The following RMDN1 variants were observed in gnomAD, a reference collection of about 807,000 sequenced individuals.
The protein encoded by RMDN1 is regulator of microtubule dynamics 1, also known as regulator of microtubule dynamics protein 1.
RMDN1 carries 48 observed loss-of-function variants against 48.9 expected under a neutral mutation model. The observed-to-expected ratio is 0.98, with a 90% CI of 0.78 to 1.25. RMDN1 has a LOEUF of 1.25. Among genes scored for constraint, RMDN1 ranks in the 50% most tolerant of loss-of-function variants. The probability of loss-of-function intolerance (pLI) is 0.00; values close to 1 mark genes in which losing one functional copy is unlikely to be tolerated. For synonymous variants in RMDN1, 148 were observed against 132.6 expected, an observed-to-expected ratio of 1.12 and a Z score of -0.80; for missense variants, 418 against 373.4, an observed-to-expected ratio of 1.12 and a Z score of -0.98.
rs775081858 is a variant in RMDN1 at position 86,507,038 on chromosome 8, G to T, written c.204C>A (p.Tyr68Ter). 14 of 1,613,062 alleles carry T rather than the reference G, an allele frequency of 8.7e-6. No homozygotes were observed. Among genetic ancestry groups the T allele is most frequent in the Non-Finnish European group, 1.2e-5 (14 of 1,179,106 alleles). ...SALSYLGFET[Y>*]QVISQAAVVH... ...CCACAGCAGCCTGAGAGATAACCTGGTAAGTTTCAAAACCCAAATACGACA... is the reference window on the plus strand; with the variant it reads ...CCACAGCAGCCTGAGAGATAACCTGTTAAGTTTCAAAACCCAAATACGACA... The change falls in exon 2 of 10, where the codon TAC (tyrosine) becomes TAA (stop). Residue 68 changes from tyrosine to a stop codon, truncating the protein, a stop_gained. Transcript: ENST00000406452. LOFTEE classifies it high-confidence loss of function.
In RMDN1 at chr8:86,473,058, A is replaced by G. The variant is rs1812797327; in HGVS notation, c.*1250T>C. 1.1e-6 allele frequency: 1 copy of G among 937,096 alleles called. No individual in the cohort carries two copies. Among genetic ancestry groups the G allele is most frequent in the Non-Finnish European group, 1.3e-6 (1 of 786,142 alleles). 58.0% of individuals were successfully genotyped at this position (937,096 alleles called of 1,614,324 possible). On this transcript the variant is annotated 3_prime_UTR_variant, in exon 10 of 10. Transcript: ENST00000406452. ...ATCCCAAATCCAAGATGCTTCTACT[A>G]GTCCCAAGTATTTCAGATAAGGGAT...
chr8:86,501,179 G>A (rs553232560), intron 2 of RMDN1, among the ~76,000 whole-genome samples: 1 of 152,168 alleles, frequency 6.6e-6, no homozygotes, highest in Admixed American at 6.5e-5. Flanking sequence ...AAACCTGCAC[G>A]TGTACCCTCT....
downstream of RMDN1, chr8:86,468,637 A>G (rs1424073075): frequency 2.2e-6 from 1 of 454,326 alleles, no homozygotes; most frequent in Non-Finnish European, 4.4e-6. Context: ...GCAGCTTTCC[A>G]GTTCGTTTTC....
rs750072955 is a variant in RMDN1, at chr8:86,507,067, C to T, written c.175G>A (p.Ala59Thr). ...GTTTCAAAACCCAAATACGACAAAGCTGAGAGTAAAAGGCCTCTTTTGAAA... is the reference window on the plus strand; with the variant it reads ...GTTTCAAAACCCAAATACGACAAAGTTGAGAGTAAAAGGCCTCTTTTGAAA... ...GTFKRGLLLS[A>T]LSYLGFETYQ... The change falls in exon 2 of 10, where the codon GCT (alanine) becomes ACT (threonine). Residue 59 changes from alanine to threonine, a missense_variant. Physicochemically the swap from Ala to Thr is moderately conservative, Grantham distance 58. Coordinates refer to ENST00000406452, the MANE Select transcript of RMDN1 (RefSeq NM_016033.3). 6.8e-6 allele frequency: 11 copies of T among 1,613,154 alleles called. No individual in the cohort carries two copies. The highest frequency in any genetic ancestry group is 4.0e-5 in the African/African-American group (3 of 74,888).
chr8:86,487,586 C>G (rs1264319560), intron 3 of RMDN1, among the ~76,000 whole-genome samples: 2 of 150,414 alleles, frequency 1.3e-5, no homozygotes, highest in East Asian at 3.9e-4. Context: ...AAAACTGTCT[C>G]AAAAAAATAA....
At chr8:86,501,201 A>G (rs1818157091) in intron 2 of RMDN1, among the ~76,000 whole-genome samples, 1 of 152,202 alleles carries the variant, frequency 6.6e-6, no homozygotes, top group Non-Finnish European at 1.5e-5. Context: ...AATCTAAAAT[A>G]AAAGTTGGAA....
At chr8:86,503,468 C>A in intron 2 of RMDN1, 1 of 197,192 alleles carries the variant, frequency 5.1e-6, no homozygotes, top group Non-Finnish European at 1.0e-5. Flanking sequence ...CTGGAGAAAA[C>A]TCGTTTCTGA....
intron 5 of RMDN1, chr8:86,482,418 G>C: frequency 2.3e-6 from 1 of 431,636 alleles, no homozygotes; most frequent in South Asian, 2.1e-5. Context: ...AAAAAGAAAG[G>C]AGGCTCTGTA....
intron 4 of RMDN1, among the ~76,000 whole-genome samples, chr8:86,486,077 T>C (rs887568121): frequency 6.6e-6 from 1 of 152,210 alleles, no homozygotes; most frequent in Non-Finnish European, 1.5e-5. Context: ...GTCTCAGTTG[T>C]CTAGCTGTTA....
rs745966068 is a variant in RMDN1, at chr8:86,507,110, T to C, written c.132A>G (p.Val44=). ...CGPCRFRGFE[V]MGNPGTFKRG... is the part of the protein sequence containing the mutation. ...TTTTGAAAGTTCCTGGGTTTCCCAT[T>C]ACCTATGGAAACAATTATGTTAAGA... The change falls in exon 2 of 10, where the codon GTA becomes GTG. Residue 44 remains valine, a splice_region_variant and synonymous_variant. Transcript: ENST00000406452. 6.4e-7 allele frequency: 1 copy of C among 1,566,124 alleles called. No individual in the cohort carries two copies. The highest frequency in any genetic ancestry group is 1.1e-5 in the South Asian group (1 of 90,180).
intron 8 of RMDN1, 58 bp downstream of exon 8, chr8:86,477,232 GTATA>G: frequency 8.6e-7 from 1 of 1,167,254 alleles, no homozygotes; most frequent in Non-Finnish European, 1.2e-6. Context: ...TGCTATTATA[GTATA>G]TATTCAGCAT....
chr8:86,492,194 AG>A (rs1314916557), intron 2 of RMDN1, among the ~76,000 whole-genome samples: 2 of 152,226 alleles, frequency 1.3e-5, no homozygotes, highest in Non-Finnish European at 2.9e-5. Context: ...AAAACAGAAA[AG>A]AAATTTTAAA....
Position 86,472,586 on chromosome 8 carries a change from T to C in RMDN1, c.*1722A>G, listed in dbSNP as rs1342756922. 4.5e-6 allele frequency: 3 copies of C among 666,926 alleles called. No homozygotes were observed. In the African/African-American group the frequency reaches 5.4e-5, roughly 12 times the overall value. 41.3% of individuals were successfully genotyped at this position (666,926 alleles called of 1,614,324 possible). Reference sequence around the variant, plus strand: ...GTTGCCGTTTAACAGCTGATACAGGTTTCTGGTGATGCTACTGTTGCCTAG... The same window carrying C: ...GTTGCCGTTTAACAGCTGATACAGGCTTCTGGTGATGCTACTGTTGCCTAG... On this transcript the variant is annotated 3_prime_UTR_variant, in exon 10 of 10. Transcript: ENST00000406452.
At chr8:86,468,974 G>A (rs1408961200), downstream of RMDN1, among the ~76,000 whole-genome samples, 2 of 152,152 alleles carry the variant, frequency 1.3e-5, no homozygotes, top group African/African-American at 2.4e-5. Context: ...ACAGACAAGA[G>A]GGAGGCTCAG....
At chr8:86,492,128 G>A (rs1406509045) in intron 2 of RMDN1, among the ~76,000 whole-genome samples, 1 of 152,016 alleles carries the variant, frequency 6.6e-6, no homozygotes, top group Non-Finnish European at 1.5e-5. Context: ...GAGGAATTTT[G>A]AAAATATATA....
At chr8:86,475,772 CTTCTT>C (rs1306720156) in intron 8 of RMDN1, among the ~76,000 whole-genome samples, 1 of 152,140 alleles carries the variant, frequency 6.6e-6, no homozygotes, top group African/African-American at 2.4e-5. Context: ...AATTGTTTTA[CTTCTT>C]TTATTTGAGC....
Position 86,474,888 on chromosome 8 carries a change from T to G in RMDN1, c.826A>C (p.Lys276Gln). The change falls in exon 9 of 10, where the codon AAA becomes CAA. Residue 276 changes from lysine (K) to glutamine (Q), a missense_variant. Coordinates refer to ENST00000406452, the MANE Select transcript of RMDN1 (RefSeq NM_016033.3). ...LGKTYLKLHN[K>Q]KLAAFWLMKA... The stretch of plus-strand genomic sequence containing the variant: ...ATTAGCCAGAAAGCAGCAAGCTTTT[T>G]GTTGTGTAGTTTCAAGTATGTCTTT... The G allele has an allele frequency of 6.2e-7, 1 of 1,613,460 alleles. No homozygotes were observed.
At chr8:86,470,108 A>AAATC, downstream of RMDN1, 1 of 1,209,638 alleles carries the variant, frequency 8.3e-7, no homozygotes, top group South Asian at 1.4e-5. Context: ...CCATTTTCCA[A>AAATC]AATCAGTATT....
intron 2 of RMDN1, among the ~76,000 whole-genome samples, chr8:86,501,042 A>G (rs1416422624): frequency 6.6e-6 from 1 of 152,152 alleles, no homozygotes; most frequent in Non-Finnish European, 1.5e-5. Context: ...GCTGGGGCCT[A>G]CTAGAATGGG....
Sources: gnomAD v4.1 joint callset for allele counts (sites outside exome capture counted in the v4.1 genomes callset) on GRCh38, gnomAD v4.1.1 for gene constraint, MANE v1.5 for transcripts, NCBI Gene and HGNC (gene_info 2026-07-23, HGNC 2026-07-21) for gene names.